The following LILRA6 variants were observed in gnomAD, a reference collection of about 807,000 sequenced individuals.
LILRA6 encodes leukocyte immunoglobulin-like receptor subfamily A member 6.
Under a neutral mutation model 53.9 loss-of-function variants are expected in LILRA6, and 16 were observed. That is an observed-to-expected ratio of 0.30 (90% CI 0.20 to 0.45). LILRA6 has a LOEUF of 0.45. Among genes scored for constraint, LILRA6 ranks in the 20% least tolerant of loss-of-function variants. The pLI, the probability that LILRA6 is intolerant of heterozygous loss-of-function variation, is 1.00. For missense variants in LILRA6, 306 were observed against 618.6 expected, an observed-to-expected ratio of 0.49 and a Z score of 5.36; for synonymous variants, 135 against 256.4, an observed-to-expected ratio of 0.53 and a Z score of 4.52.
exon 2 of LILRA6, chr19:54,242,546 G>A: frequency 1.9e-6 from 2 of 1,080,124 alleles, no homozygotes; most frequent in East Asian, 4.9e-5. Context: ...CTGGGGCCCA[G>A]ACTCAGCCCT....
At chr19:54,237,716 CT>C (rs1263428344), downstream of LILRA6, 2 of 150,830 alleles carry the variant, frequency 1.3e-5, no homozygotes, top group Non-Finnish European at 2.9e-5. Context: ...AATGCTGCCT[CT>C]TTTTGAGCTT....
rs2078726751 is a variant in LILRA6, at chr19:54,240,487, A to ACC, written c.1043_1044dup (p.Trp349GlyfsTer9). 2.5e-5 allele frequency: 33 copies of ACC among 1,329,294 alleles called. 2 individuals are homozygous for ACC. The highest frequency in any genetic ancestry group is 3.0e-5 in the Non-Finnish European group (30 of 983,890). The allele number at this position is 1,329,294 out of a possible 1,614,324, so 82.3% of individuals were successfully genotyped here. ...GTCAGAAGGAAAGTGTCAAACTGCC[A>ACC]CCATGACTGACACAGCAGGGTCACG... On this transcript the variant is annotated frameshift_variant, in exon 6 of 8. Transcript: ENST00000396365. LOFTEE classifies it high-confidence loss of function.
chr19:54,242,637 T>A lies in LILRA6; in HGVS notation c.34+81A>T. On this transcript the variant is annotated intron_variant, in intron 1 of 7. Coordinates refer to ENST00000396365, the Ensembl canonical transcript of LILRA6. Reference sequence around the variant, plus strand: ...CCTGGTGCCTCCTGAGCTTTTGAGGTCTCCTGATGGACCAGGGCTTGTGTG... The same window carrying A: ...CCTGGTGCCTCCTGAGCTTTTGAGGACTCCTGATGGACCAGGGCTTGTGTG... 1.8e-6 allele frequency: 2 copies of A among 1,088,018 alleles called. 1 individual carries two copies. Among genetic ancestry groups the A allele is most frequent in the Admixed American group, 4.5e-5 (2 of 44,060 alleles). The allele number at this position is 1,088,018 out of a possible 1,614,324, so 67.4% of individuals were successfully genotyped here. A position where few individuals can be genotyped will look rare whatever the true frequency, so the allele number is the denominator to read the frequency against.
rs8103759 is a variant in LILRA6, at chr19:54,239,994, A to C, written c.1259-43T>G. ...GGCGGGTGAGGGGCGGGGGCCGTCCATGGAGTGCACCCTTCCACTCCCACT... is the reference window on the plus strand; with the variant it reads ...GGCGGGTGAGGGGCGGGGGCCGTCCCTGGAGTGCACCCTTCCACTCCCACT... On this transcript the variant is annotated intron_variant, in intron 6 of 7. Transcript: ENST00000396365. 7,060 of 1,517,720 alleles carry C rather than the reference A, an allele frequency of 4.7e-3. 188 individuals carry two copies. The African/African-American group carries it at 0.1, about 22-fold the overall frequency. 94.0% of individuals were successfully genotyped at this position (1,517,720 alleles called of 1,614,324 possible).
intron 6 of LILRA6, 55 bp downstream of exon 6, chr19:54,240,219 G>T: frequency 6.3e-7 from 1 of 1,593,386 alleles, no homozygotes. Context: ...TCTCCTGGGG[G>T]CCTGGGCCTG....
chr19:54,241,258 C>A lies in LILRA6; in HGVS notation c.659-131G>T, dbSNP rs1403967595. ...CTGACCCCAGGGCCTCCTTCTCACC[C>A]GGGGCTGTCTTGGAGTCATTTCAGA... is the stretch of plus-strand genomic sequence containing the variant. On this transcript the variant is annotated intron_variant, in intron 4 of 7. Coordinates refer to ENST00000396365, the Ensembl canonical transcript of LILRA6. 1.6e-6 allele frequency: 2 copies of A among 1,254,392 alleles called. 1 individual carries two copies. The allele number at this position is 1,254,392 out of a possible 1,614,324, so 77.7% of individuals were successfully genotyped here.
Position 54,241,597 on chromosome 19 carries a change from G to T in LILRA6, c.637C>A (p.Pro213Thr), listed in dbSNP as rs778774071. The T allele has an allele frequency of 1.3e-5, 19 of 1,473,892 alleles. 3 individuals are homozygous for T. Among genetic ancestry groups the T allele is most frequent in the Non-Finnish European group, 1.6e-5 (17 of 1,077,104 alleles). 91.3% of individuals were successfully genotyped at this position (1,473,892 alleles called of 1,614,324 possible). A position where few individuals can be genotyped will look rare whatever the true frequency, so the allele number is the denominator to read the frequency against. Residue 213 changes from proline (P) to threonine (T), a missense_variant, in exon 4 of 8, where the codon CCC (proline) becomes ACC (threonine). Physicochemically the swap from Pro to Thr is conservative, Grantham distance 38. Around this residue, in one of 9 missense-constraint regions of LILRA6, gnomAD observed 23 missense variants for 31.3 expected, o/e 0.73. Transcript: ENST00000396365. ...TCACCTGAGGGCAGAATCTCCAGGG[G>T]GTCACTGGGGTGGGACCACACCCGG...
In LILRA6 at chr19:54,240,491, T is replaced by C. The variant is rs778398383; in HGVS notation, c.1041A>G (p.Ser347=). The stretch of plus-strand genomic sequence containing the variant: ...GAAGGAAAGTGTCAAACTGCCACCA[T>C]GACTGACACAGCAGGGTCACGTTCT... The change falls in exon 6 of 8, where the codon TCA becomes TCG. Residue 347 remains serine (S), a synonymous_variant. Transcript: ENST00000396365. 2.5e-6 allele frequency: 4 copies of C among 1,590,308 alleles called. No homozygotes were observed. In the African/African-American group the frequency reaches 4.0e-5, roughly 16 times the overall value.
chr19:54,239,688 C>G lies in LILRA6; in HGVS notation c.1309+213G>C, dbSNP rs370402944. On this transcript the variant is annotated intron_variant, in intron 7 of 7. Coordinates refer to ENST00000396365, the Ensembl canonical transcript of LILRA6. ...CCTGGGTCAGGACAGGGAGGTGAAG[C>G]CTGGGGCTACCTTGCTCCCCACATC... 5,488 of 1,536,220 alleles carry G rather than the reference C, an allele frequency of 3.6e-3. 75 individuals are homozygous for G. The highest frequency in any genetic ancestry group is 0.017 in the South Asian group (1,440 of 83,188).
At position 54,239,211 on chromosome 19, in the gene LILRA6, G is replaced by A. The variant is rs193271132; in HGVS notation, c.1310-122C>T. ...TGACAGAACCTGACCCTCTGTGCCC[G>A]CCCCATAACTGTCTGACTTGTTTTG... On this transcript the variant is annotated intron_variant, in intron 7 of 7. Coordinates refer to ENST00000396365, the Ensembl canonical transcript of LILRA6. The A allele has an allele frequency of 1.7e-4, 269 of 1,557,210 alleles. 7 individuals are homozygous for A. The East Asian group carries it at 5.6e-3, about 33-fold the overall frequency.
rs1334470831 is a variant in LILRA6, at chr19:54,242,115, G to T, written c.266C>A (p.Thr89Lys). Reference sequence around the variant, plus strand: ...GCGGTATCTCCCCGCATGGTGCTCTGTTATGGATGGGATGGAGAATCTGGC... The same window carrying T: ...GCGGTATCTCCCCGCATGGTGCTCTTTTATGGATGGGATGGAGAATCTGGC... Residue 89 changes from threonine (T) to lysine (K), a missense_variant, in exon 3 of 8, where the codon ACA becomes AAA. Transcript: ENST00000396365. 87 of 1,393,212 alleles carry T rather than the reference G, an allele frequency of 6.2e-5. 8 individuals are homozygous for T. The East Asian group carries it at 1.5e-3, about 24-fold the overall frequency. The allele number at this position is 1,393,212 out of a possible 1,614,324, so 86.3% of individuals were successfully genotyped here.
In LILRA6 at chr19:54,241,928, C is replaced by A. The variant is rs1430322038; in HGVS notation, c.356-50G>T. 16 of 1,264,114 alleles carry A rather than the reference C, an allele frequency of 1.3e-5. 2 individuals are homozygous for A. In the East Asian group the frequency reaches 2.6e-4, roughly 21 times the overall value. The allele number at this position is 1,264,114 out of a possible 1,614,324, so 78.3% of individuals were successfully genotyped here. On this transcript the variant is annotated intron_variant, in intron 3 of 7. Transcript: ENST00000396365. ...TAAATGGGGCTCCCACCTCCCACATCATCCCCAGGGCTGGGCTGTGAGAGG... is the reference window on the plus strand; with the variant it reads ...TAAATGGGGCTCCCACCTCCCACATAATCCCCAGGGCTGGGCTGTGAGAGG...
downstream of LILRA6, chr19:54,238,052 G>GT (rs1458514471): frequency 7.2e-6 from 1 of 139,232 alleles, no homozygotes; most frequent in Non-Finnish European, 1.5e-5. Flanking sequence ...ATGAAGTCTC[G>GT]TACTGTCACC....
At chr19:54,238,598 G>C (rs904420672) in exon 8 of LILRA6, 14 of 271,704 alleles carry the variant, frequency 5.2e-5, no homozygotes, top group African/African-American at 2.7e-4. Flanking sequence ...ATGAGGGTGG[G>C]AGACTGCCAT....
chr19:54,239,704 T>A, intron 7 of LILRA6, 197 bp downstream of exon 7: 1 of 1,537,148 alleles, frequency 6.5e-7, no homozygotes, highest in Non-Finnish European at 8.8e-7. Flanking sequence ...GCTACCTTGC[T>A]CCCCACATCA....
intron 7 of LILRA6, 80 bp from the exon 8 acceptor site, chr19:54,239,169 C>G: frequency 6.3e-7 from 1 of 1,594,946 alleles, no homozygotes; most frequent in Non-Finnish European, 8.5e-7. Flanking sequence ...CAACCCAGGG[C>G]ACCCCCCATC....
intron 5 of LILRA6, 108 bp from the exon 6 acceptor site, chr19:54,240,684 GTCTC>G: frequency 6.4e-7 from 1 of 1,556,132 alleles, no homozygotes; most frequent in Non-Finnish European, 8.7e-7. Context: ...TTTTCTCTGA[GTCTC>G]GCCTCCCCGC....
At chr19:54,237,381 C>G (rs2078652868), downstream of LILRA6, 1 of 150,786 alleles carries the variant, frequency 6.6e-6, no homozygotes. Context: ...ACCATAATAA[C>G]AAATGTTCAG....
At chr19:54,240,895 A>G (rs394983) in exon 5 of LILRA6, 287,515 of 1,551,110 alleles carry the variant, frequency 0.19, 924 homozygotes, top group African/African-American at 0.39. Flanking sequence ...TGTGTGCACC[A>G]TAGCACCTGT....
Sources: allele counts gnomAD v4.1 joint callset, GRCh38; gene constraint gnomAD v4.1.1; regional missense constraint gnomAD v4.1.1; transcripts MANE v1.5; gene names NCBI Gene and HGNC (gene_info 2026-07-23, HGNC 2026-07-21).